MAPKAPK5: variants seen among roughly 807,000 people sequenced by gnomAD.
The protein encoded by MAPKAPK5 is MAP kinase-activated protein kinase 5.
A neutral mutation model predicts 65.1 loss-of-function variants in MAPKAPK5; 30 were observed. That is an observed-to-expected ratio of 0.46 (90% CI 0.34 to 0.63). MAPKAPK5 has a LOEUF of 0.63. MAPKAPK5 is among the 20% of genes least tolerant of loss of function. MAPKAPK5 has a pLI of 0.01. For missense variants in MAPKAPK5, 433 were observed against 581.4 expected, an observed-to-expected ratio of 0.74 and a Z score of 2.63; for synonymous variants, 179 against 204.6, an observed-to-expected ratio of 0.87 and a Z score of 1.07.
rs532769074 is a variant in MAPKAPK5 at position 111,900,451 on chromosome 12, CAAAA to C, written c.*7391_*7394del. 6,256 of 456,074 alleles carry C rather than the reference CAAAA, an allele frequency of 0.014. 76 individuals carry two copies. Among genetic ancestry groups the C allele is most frequent in the Non-Finnish European group, 0.017 (3,922 of 226,814 alleles). The allele number at this position is 456,074 out of a possible 1,614,324, so 28.3% of individuals were successfully genotyped here. A position where few individuals can be genotyped will look rare whatever the true frequency, so the allele number is the denominator to read the frequency against. On this transcript the variant is annotated 3_prime_UTR_variant, in exon 14 of 14. Coordinates refer to ENST00000550735, the MANE Select transcript of MAPKAPK5 (RefSeq NM_003668.4). ...TTTTGCCTCATGCATGAAAATATCA[CAAAA>C]GAAAGTGGCTTCAGCAGCTGCAGCT...
intron 1 of MAPKAPK5, among the ~76,000 whole-genome samples, chr12:111,847,327 G>A (rs2068936817): frequency 6.7e-6 from 1 of 148,484 alleles, no homozygotes; most frequent in Non-Finnish European, 1.5e-5. Context: ...CAGCCTGGGC[G>A]ACAGGGTGAG....
At chr12:111,855,240 A>C (rs1487761003) in intron 1 of MAPKAPK5, among the ~76,000 whole-genome samples, 1 of 151,308 alleles carries the variant, frequency 6.6e-6, no homozygotes, top group Admixed American at 6.6e-5. Flanking sequence ...GTTTTCATTG[A>C]TTTTCTCTAT....
intron 10 of MAPKAPK5, among the ~76,000 whole-genome samples, chr12:111,887,354 T>C (rs569343186): frequency 9.2e-5 from 14 of 152,288 alleles, no homozygotes; most frequent in Admixed American, 2.6e-4. Context: ...TGTCAGCACA[T>C]AGAGGTTACT....
chr12:111,874,258 A>C (rs1020703684), intron 7 of MAPKAPK5, among the ~76,000 whole-genome samples: 5 of 151,656 alleles, frequency 3.3e-5, no homozygotes, highest in African/African-American at 1.2e-4. Context: ...TGCTGGGCGT[A>C]GTAGCCGGTG....
rs2070736221 is a variant in MAPKAPK5 at position 111,894,759 on chromosome 12, CGTGTATATGTGTGTGT to C, written c.*1703_*1718del. On this transcript the variant is annotated 3_prime_UTR_variant, in exon 14 of 14. Coordinates refer to ENST00000550735, the MANE Select transcript of MAPKAPK5 (RefSeq NM_003668.4). ...TGGGTTTCCATAACAAACCAATTTT[CGTGTATATGTGTGTGT>C]GTGTGTGTGTGTGTGTGAAGCAGTT... The C allele has an allele frequency of 7.9e-6, 1 of 127,124 alleles. No individual in the cohort carries two copies. Among genetic ancestry groups the C allele is most frequent in the Admixed American group, 8.1e-5 (1 of 12,400 alleles). 7.9% of individuals were successfully genotyped at this position (127,124 alleles called of 1,614,324 possible).
chr12:111,880,169 C>T, intron 7 of MAPKAPK5: 2 of 450,870 alleles, frequency 4.4e-6, no homozygotes, highest in Non-Finnish European at 4.1e-6. Flanking sequence ...AGGAAAAAGT[C>T]AGTGATCTCA....
intron 7 of MAPKAPK5, among the ~76,000 whole-genome samples, chr12:111,874,839 A>G (rs954842134): frequency 6.8e-6 from 1 of 147,226 alleles, no homozygotes; most frequent in African/African-American, 2.5e-5. Context: ...CAGTGGCGCA[A>G]TCTCGGCTCA....
chr12:111,891,234 C>T (rs1387400732), intron 13 of MAPKAPK5, among the ~76,000 whole-genome samples: 1 of 151,378 alleles, frequency 6.6e-6, no homozygotes. Flanking sequence ...ACTGGGACTA[C>T]AGGCACGTAC....
At chr12:111,861,797 CTGT>C (rs1593142123) in intron 1 of MAPKAPK5, among the ~76,000 whole-genome samples, 1 of 152,180 alleles carries the variant, frequency 6.6e-6, no homozygotes, top group African/African-American at 2.4e-5. Flanking sequence ...CCCCTCAACT[CTGT>C]TGTTGTAGTG....
chr12:111,859,469 G>A (rs2069356447), intron 1 of MAPKAPK5, among the ~76,000 whole-genome samples: 1 of 151,978 alleles, frequency 6.6e-6, no homozygotes, highest in Admixed American at 6.6e-5. Flanking sequence ...AGTAGAGATG[G>A]GGTTTCAAGC....
intron 1 of MAPKAPK5, among the ~76,000 whole-genome samples, chr12:111,845,742 C>G (rs11066044): frequency 1.3e-5 from 2 of 151,664 alleles, no homozygotes; most frequent in Non-Finnish European, 2.9e-5. Context: ...GCCAACATGG[C>G]GAGACCCCCG....
Position 111,885,932 on chromosome 12 carries a change from C to T in MAPKAPK5, c.865C>T (p.Pro289Ser), listed in dbSNP as rs1028263034. 1.2e-6 allele frequency: 2 copies of T among 1,613,936 alleles called. No homozygotes were observed. The highest frequency in any genetic ancestry group is 1.7e-6 in the Non-Finnish European group (2 of 1,179,870). ...TCTCCACAGGCTCCTGAAGGTCAAA[C>T]CGGAGGAGAGACTCACCATCGAGGG... is the stretch of plus-strand genomic sequence containing the variant. ...DVVRKLLKVK[P>S]EERLTIEGVL... The change falls in exon 10 of 14, where the codon CCG becomes TCG. Residue 289 changes from proline (P) to serine (S), a missense_variant. Around this residue, in one of 3 missense-constraint regions of MAPKAPK5, gnomAD observed 99 missense variants for 185.8 expected, o/e 0.53. Coordinates refer to ENST00000550735, the MANE Select transcript of MAPKAPK5 (RefSeq NM_003668.4).
At chr12:111,889,935 GTCAACATTTT>G in intron 12 of MAPKAPK5, 95 bp from the exon 13 acceptor site, 3 of 706,538 alleles carry the variant, frequency 4.2e-6, no homozygotes, top group Non-Finnish European at 7.5e-6. Flanking sequence ...TGCACATTCA[GTCAACATTTT>G]TCAACCAGTT....
In MAPKAPK5 at chr12:111,896,399, T is replaced by C. The variant is rs900983448; in HGVS notation, c.*3338T>C. 1 of 152,248 alleles carries C rather than the reference T, an allele frequency of 6.6e-6. No homozygotes were observed. The highest frequency in any genetic ancestry group is 2.1e-4 in the South Asian group (1 of 4,816). The allele number at this position is 152,248 out of a possible 1,614,324, so 9.4% of individuals were successfully genotyped here. On this transcript the variant is annotated 3_prime_UTR_variant, in exon 14 of 14. Transcript: ENST00000550735. ...CTGGAGGATGCCCCAGCTGTTGTAA[T>C]GCAACAGCATACCTTGAAAAAAAAC... is the stretch of plus-strand genomic sequence containing the variant.
rs1480136339 is a variant in MAPKAPK5, at chr12:111,900,368, C to T, written c.*7307C>T. The T allele has an allele frequency of 1.1e-5, 5 of 455,862 alleles. No homozygotes were observed. Among genetic ancestry groups the T allele is most frequent in the East Asian group, 1.4e-4 (2 of 14,404 alleles). 28.2% of individuals were successfully genotyped at this position (455,862 alleles called of 1,614,324 possible). A position where few individuals can be genotyped will look rare whatever the true frequency, so the allele number is the denominator to read the frequency against. On this transcript the variant is annotated 3_prime_UTR_variant, in exon 14 of 14. Coordinates refer to ENST00000550735, the MANE Select transcript of MAPKAPK5 (RefSeq NM_003668.4). ...TTGCAGCCCTGATGGCCCATGAGCT[C>T]GGGCACAACCTGGGTATTCAGCACG...
At chr12:111,852,407 T>G (rs1225332573) in intron 1 of MAPKAPK5, among the ~76,000 whole-genome samples, 1 of 152,246 alleles carries the variant, frequency 6.6e-6, no homozygotes, top group Non-Finnish European at 1.5e-5. Context: ...TTTATGATGA[T>G]GCACCTCCAC....
In MAPKAPK5 at chr12:111,867,595, C is replaced by T. The variant is rs767381771; in HGVS notation, c.210C>T (p.Ala70=). Residue 70 remains alanine (A), a synonymous_variant, in exon 4 of 14, where the codon GCC becomes GCT. Transcript: ENST00000550735. The part of the protein sequence containing the change: ...RNEVRLHMMC[A]THPNIVQIIE... ...AGGTACGTCTGCACATGATGTGTGC[C>T]ACACACCCAAACATAGTTCAGATTA... The T allele has an allele frequency of 1.2e-5, 19 of 1,613,756 alleles. No individual in the cohort carries two copies. Among genetic ancestry groups the T allele is most frequent in the Non-Finnish European group, 1.5e-5 (18 of 1,179,828 alleles).
At chr12:111,843,834 A>G (rs1346007565) in intron 1 of MAPKAPK5, among the ~76,000 whole-genome samples, 1 of 152,190 alleles carries the variant, frequency 6.6e-6, no homozygotes, top group Non-Finnish European at 1.5e-5. Context: ...TGTTTTTGAG[A>G]CGGAGTCTCA....
At chr12:111,888,794 C>A in intron 11 of MAPKAPK5, 91 bp from the exon 12 acceptor site, 1 of 1,534,604 alleles carries the variant, frequency 6.5e-7, no homozygotes, top group Non-Finnish European at 8.8e-7. Flanking sequence ...TTTTCTGATA[C>A]ATCTGTTGCC....
Sources: gnomAD v4.1 joint callset for allele counts (sites outside exome capture counted in the v4.1 genomes callset) on GRCh38, gnomAD v4.1.1 for gene constraint, gnomAD v4.1.1 regional missense constraint, MANE v1.5 for transcripts, NCBI Gene and HGNC (gene_info 2026-07-23, HGNC 2026-07-21) for gene names.